Variants in SLCO1C1 observed in about 807,000 individuals in gnomAD.
SLCO1C1 encodes the protein solute carrier organic anion transporter family member 1C1, also known as OAT-RP-5.
Under a neutral mutation model 76.4 loss-of-function variants are expected in SLCO1C1, and 70 were observed. The ratio of observed to expected loss-of-function variants is 0.92; its 90% CI spans 0.76 to 1.12. SLCO1C1 has a LOEUF of 1.12. Ranked by LOEUF, SLCO1C1 falls within the 50% of genes most tolerant of loss-of-function variation. The probability of loss-of-function intolerance (pLI) is 0.00; values close to 1 mark genes in which losing one functional copy is unlikely to be tolerated. For synonymous variants in SLCO1C1, 306 were observed against 286.1 expected, an observed-to-expected ratio of 1.07 and a Z score of -0.70; for missense variants, 912 against 823.8, an observed-to-expected ratio of 1.11 and a Z score of -1.31.
Position 20,709,935 on chromosome 12 carries a change from A to G in SLCO1C1, c.405-1451A>G, listed in dbSNP as rs550214476. Among the ~76,000 whole-genome samples the G allele has an allele frequency of 2.2e-3, 328 of 150,530 alleles. 75 individuals carry two copies. In the Middle Eastern group the frequency reaches 0.032, roughly 15 times the overall value. ...AAAAAAAAAAAAAAAAGAATTGAAA[A>G]CAGTTAACCTCATTAAGTGATTCTT... On this transcript the variant is annotated intron_variant, in intron 4 of 14. Coordinates refer to ENST00000266509, the MANE Select transcript of SLCO1C1 (RefSeq NM_017435.5).
At chr12:20,749,282 T>C (rs990713460) in intron 13 of SLCO1C1, among the ~76,000 whole-genome samples, 1 of 152,046 alleles carries the variant, frequency 6.6e-6, no homozygotes, top group Non-Finnish European at 1.5e-5. Flanking sequence ...AGGTTAAAAC[T>C]CAAATGCCGG....
intron 3 of SLCO1C1, among the ~76,000 whole-genome samples, chr12:20,705,746 T>C (rs61579575): frequency 0.043 from 6,486 of 152,034 alleles, 236 homozygotes; most frequent in African/African-American, 0.091. Context: ...ATTAAAATAT[T>C]TCGATAAAGG....
chr12:20,740,242 G>C lies in SLCO1C1; in HGVS notation c.1607G>C (p.Gly536Ala). Residue 536 changes from glycine (G) to alanine (A), a missense_variant, in exon 12 of 15, where the codon GGC becomes GCC. Transcript: ENST00000266509. ...GCTTCTAAATCCGGAAATTCCTCAGGCATAGTGGGAAGATGTCAGAAAGAC... is the reference window on the plus strand; with the variant it reads ...GCTTCTAAATCCGGAAATTCCTCAGCCATAGTGGGAAGATGTCAGAAAGAC... ...IAASKSGNSSGIVGRCQKDNG... is the reference protein window; with the variant it reads ...IAASKSGNSSAIVGRCQKDNG... 6.2e-7 allele frequency: 1 copy of C among 1,613,754 alleles called. No individual in the cohort carries two copies. Among genetic ancestry groups the C allele is most frequent in the South Asian group, 1.1e-5 (1 of 91,016 alleles).
Position 20,753,211 on chromosome 12 carries a change from A to G in SLCO1C1, c.*683A>G, listed in dbSNP as rs1949387669. The G allele has an allele frequency of 6.6e-6, 1 of 152,222 alleles. No homozygotes were observed. Among genetic ancestry groups the G allele is most frequent in the Middle Eastern group, 3.2e-3 (1 of 316 alleles). The allele number at this position is 152,222 out of a possible 1,614,324, so 9.4% of individuals were successfully genotyped here. A position where few individuals can be genotyped will look rare whatever the true frequency, so the allele number is the denominator to read the frequency against. ...GTAAAGTAATAAAATTGATGTTAAC[A>G]TGCCCAATTATTGTTCTTTTATGAA... On this transcript the variant is annotated 3_prime_UTR_variant, in exon 15 of 15. Coordinates refer to ENST00000266509, the MANE Select transcript of SLCO1C1 (RefSeq NM_017435.5).
chr12:20,735,706 T>C (rs1948505080), intron 10 of SLCO1C1, among the ~76,000 whole-genome samples: 1 of 152,186 alleles, frequency 6.6e-6, no homozygotes, highest in Non-Finnish European at 1.5e-5. Flanking sequence ...ATACCAGTTC[T>C]ACTAGATGAA....
rs1232716780 is a variant in SLCO1C1 at position 20,711,477 on chromosome 12, G to A, written c.496G>A (p.Val166Ile). ...GTCAAGCAGTCAATTACCAGTTTCA[G>A]TTATGGAAAAATCAAAATCCAAAAT... ...LESSSQLPVS[V>I]MEKSKSKISN... is the part of the protein sequence containing the mutation. The change falls in exon 5 of 15, where the codon GTT (valine) becomes ATT (isoleucine). Residue 166 changes from valine to isoleucine, a missense_variant. By Grantham distance (29) the Val-to-Ile change is conservative. Coordinates refer to ENST00000266509, the MANE Select transcript of SLCO1C1 (RefSeq NM_017435.5). 3 of 1,613,660 alleles carry A rather than the reference G, an allele frequency of 1.9e-6. No individual in the cohort carries two copies. Among genetic ancestry groups the A allele is most frequent in the South Asian group, 1.1e-5 (1 of 91,028 alleles).
chr12:20,707,446 A>G (rs568723517), intron 4 of SLCO1C1, among the ~76,000 whole-genome samples: 8 of 152,298 alleles, frequency 5.3e-5, no homozygotes, highest in African/African-American at 1.9e-4. Flanking sequence ...AAGTAGTCAC[A>G]TAGGATAGAT....
rs760194460 is a variant in SLCO1C1, at chr12:20,721,817, T to A, written c.789T>A (p.Ile263=). Residue 263 remains isoleucine, a synonymous_variant, in exon 8 of 15, where the codon ATT becomes ATA. Coordinates refer to ENST00000266509, the MANE Select transcript of SLCO1C1 (RefSeq NM_017435.5). ...TCTGTCTTTCAGATCACATAACCAT[T>A]ACCCCAAAAGATCCCCAGTGGGTAG... ...IGFVNLDHIT[I]TPKDPQWVGA... 1 of 1,614,172 alleles carries A rather than the reference T, an allele frequency of 6.2e-7. No homozygotes were observed. Among genetic ancestry groups the A allele is most frequent in the Non-Finnish European group, 8.5e-7 (1 of 1,180,012 alleles).
Position 20,711,430 on chromosome 12 carries a change from G to A in SLCO1C1, c.449G>A (p.Ser150Asn). ...TCTCCTTCCTCCAATTCCACTCTCA[G>A]CATCTCTCCGTGTCTCCTAGAGTCA... is the stretch of plus-strand genomic sequence containing the variant. ...RYSPSSNSTL[S>N]ISPCLLESSS... The change falls in exon 5 of 15, where the codon AGC becomes AAC. Residue 150 changes from serine to asparagine, a missense_variant. By Grantham distance (46) the Ser-to-Asn change is conservative. Coordinates refer to ENST00000266509, the MANE Select transcript of SLCO1C1 (RefSeq NM_017435.5). 6.2e-7 allele frequency: 1 copy of A among 1,613,712 alleles called. No homozygotes were observed. The highest frequency in any genetic ancestry group is 8.5e-7 in the Non-Finnish European group (1 of 1,179,824).
At chr12:20,737,548 C>T (rs1002795649) in intron 11 of SLCO1C1, among the ~76,000 whole-genome samples, 2 of 151,978 alleles carry the variant, frequency 1.3e-5, no homozygotes, top group Admixed American at 1.3e-4. Context: ...AAGTGTTAGC[C>T]CTGAATTAGA....
At position 20,737,090 on chromosome 12, in the gene SLCO1C1, G is replaced by C. The variant is rs768263376; in HGVS notation, c.1383-17G>C. 8 of 1,489,566 alleles carry C rather than the reference G, an allele frequency of 5.4e-6. No individual in the cohort carries two copies. The East Asian group carries it at 1.8e-4, about 34-fold the overall frequency. 92.3% of individuals were successfully genotyped at this position (1,489,566 alleles called of 1,614,324 possible). ...CTGCTAAGAGGTAATATTTTATATT[G>C]TTATATTTCTTTTCAGAACCAAACC... On this transcript the variant is annotated splice_polypyrimidine_tract_variant and intron_variant, in intron 10 of 14. Coordinates refer to ENST00000266509, the MANE Select transcript of SLCO1C1 (RefSeq NM_017435.5).
intron 9 of SLCO1C1, among the ~76,000 whole-genome samples, chr12:20,728,172 T>C (rs932375859): frequency 6.6e-6 from 1 of 152,158 alleles, no homozygotes. Context: ...CTTTAATCCA[T>C]GTTGAGTTAA....
intron 4 of SLCO1C1, among the ~76,000 whole-genome samples, chr12:20,710,239 G>C (rs1157693647): frequency 2.1e-4 from 24 of 114,612 alleles, no homozygotes; most frequent in Non-Finnish European, 3.5e-4. Flanking sequence ...ATGGAGTCTC[G>C]CTCTGTCGCC....
chr12:20,717,767 T>A lies in SLCO1C1; in HGVS notation c.775+537T>A, dbSNP rs372200260. ...GAAGACTGGCTTTTCTTCTGGGACG[T>A]TGCTTGTGTAGGAAATAAATGGCAA... is the stretch of plus-strand genomic sequence containing the variant. On this transcript the variant is annotated intron_variant, in intron 7 of 14. Coordinates refer to ENST00000266509, the MANE Select transcript of SLCO1C1 (RefSeq NM_017435.5). Among the ~76,000 whole-genome samples, 6 of 149,104 alleles carry A rather than the reference T, an allele frequency of 4.0e-5. No homozygotes were observed. The East Asian group carries it at 1.0e-3, about 25-fold the overall frequency.
chr12:20,701,979 A>G (rs1946550213), intron 3 of SLCO1C1, among the ~76,000 whole-genome samples: 1 of 151,936 alleles, frequency 6.6e-6, no homozygotes, highest in Non-Finnish European at 1.5e-5. Context: ...GCAGGCAATA[A>G]AAATTCAAAT....
chr12:20,743,462 T>C (rs1024806231), intron 13 of SLCO1C1, 93 bp downstream of exon 13: 3 of 1,006,336 alleles, frequency 3.0e-6, no homozygotes, highest in Non-Finnish European at 4.5e-6. Flanking sequence ...CATGCATAAA[T>C]ATATGTTGTA....
chr12:20,746,557 G>A (rs1213673229), intron 13 of SLCO1C1, among the ~76,000 whole-genome samples: 1 of 152,076 alleles, frequency 6.6e-6, no homozygotes, highest in Non-Finnish European at 1.5e-5. Context: ...TCATAATGGA[G>A]GGATCAGACT....
chr12:20,711,464 A>T lies in SLCO1C1; in HGVS notation c.483A>T (p.Gln161His), dbSNP rs1382237549. 1 of 1,614,066 alleles carries T rather than the reference A, an allele frequency of 6.2e-7. No homozygotes were observed. Among genetic ancestry groups the T allele is most frequent in the Admixed American group, 1.7e-5 (1 of 60,012 alleles). ...CGTGTCTCCTAGAGTCAAGCAGTCA[A>T]TTACCAGTTTCAGTTATGGAAAAAT... The part of the protein sequence containing the change: ...ISPCLLESSS[Q>H]LPVSVMEKSK... Residue 161 changes from glutamine (Q) to histidine (H), a missense_variant, in exon 5 of 15, where the codon CAA becomes CAT. Physicochemically the swap from Gln to His is conservative, Grantham distance 24 (BLOSUM62 0). Transcript: ENST00000266509.
intron 3 of SLCO1C1, among the ~76,000 whole-genome samples, chr12:20,702,244 G>A (rs898169868): frequency 1.3e-5 from 2 of 151,856 alleles, no homozygotes; most frequent in Non-Finnish European, 2.9e-5. Flanking sequence ...GCTTTACCTG[G>A]TGAACTTTCA....
Sources: allele counts gnomAD v4.1 joint callset (sites outside exome capture counted in the v4.1 genomes callset), GRCh38; gene constraint gnomAD v4.1.1; transcripts MANE v1.5; gene names NCBI Gene and HGNC (gene_info 2026-07-23, HGNC 2026-07-21).